The following LRRTM4 variants were observed in gnomAD, a reference collection of about 807,000 sequenced individuals.
LRRTM4 encodes the protein leucine-rich repeat transmembrane neuronal protein 4.
A neutral mutation model predicts 47.6 loss-of-function variants in LRRTM4; 25 were observed. That is an observed-to-expected ratio of 0.53 (90% CI 0.38 to 0.73). The LOEUF (loss-of-function observed/expected upper bound fraction) is 0.73. Ranked by LOEUF, LRRTM4 falls within the 30% of genes least tolerant of loss-of-function variation. The probability of loss-of-function intolerance (pLI) is 0.00; values close to 1 mark genes in which losing one functional copy is unlikely to be tolerated. For synonymous variants in LRRTM4, 311 were observed against 269.5 expected, an observed-to-expected ratio of 1.15 and a Z score of -1.51; for missense variants, 638 against 713.4, an observed-to-expected ratio of 0.89 and a Z score of 1.20.
chr2:77,028,645 G>A lies in LRRTM4; in HGVS notation c.1552-279729C>T, dbSNP rs543697702. Among the ~76,000 whole-genome samples the A allele has an allele frequency of 1.1e-3, 164 of 152,186 alleles. 1 individual carries two copies. Among genetic ancestry groups the A allele is most frequent in the African/African-American group, 3.7e-3 (153 of 41,538 alleles). ...AAGATGGAACAAAAATGATTCTGAT[G>A]TTGACAAAAAGAAGGCAGACAGAAA... On this transcript the variant is annotated intron_variant, in intron 3 of 3. Coordinates refer to ENST00000409884, the MANE Select transcript of LRRTM4 (RefSeq NM_001134745.3).
chr2:76,826,204 C>T (rs1329926615), intron 3 of LRRTM4, among the ~76,000 whole-genome samples: 1 of 151,552 alleles, frequency 6.6e-6, no homozygotes, highest in Non-Finnish European at 1.5e-5. Flanking sequence ...TATATCAGAT[C>T]ATTATCAAAT....
intron 3 of LRRTM4, among the ~76,000 whole-genome samples, chr2:77,182,115 T>A (rs946332065): frequency 1.3e-5 from 2 of 152,130 alleles, no homozygotes; most frequent in East Asian, 3.9e-4. Flanking sequence ...TAAAGATACA[T>A]GCACACATAT....
chr2:77,228,620 C>G (rs1480756052), intron 3 of LRRTM4, among the ~76,000 whole-genome samples: 2 of 152,174 alleles, frequency 1.3e-5, no homozygotes, highest in Non-Finnish European at 2.9e-5. Context: ...TTCCAGCCCA[C>G]AGATCACTCC....
chr2:76,999,424 A>G (rs893242178), intron 3 of LRRTM4, among the ~76,000 whole-genome samples: 1 of 149,742 alleles, frequency 6.7e-6, no homozygotes, highest in Non-Finnish European at 1.5e-5. Context: ...TAAATCCAGG[A>G]AGGAAAACAC....
chr2:76,829,892 T>C (rs768357494), intron 3 of LRRTM4, among the ~76,000 whole-genome samples: 1 of 152,028 alleles, frequency 6.6e-6, no homozygotes, highest in African/African-American at 2.4e-5. Flanking sequence ...CTCGAAATAA[T>C]AGAATTATGG....
intron 3 of LRRTM4, among the ~76,000 whole-genome samples, chr2:77,476,168 A>G (rs2104002778): frequency 6.6e-6 from 1 of 152,222 alleles, no homozygotes; most frequent in Middle Eastern, 3.4e-3. Context: ...GATGTGAAAG[A>G]TTCATAAACC....
chr2:76,894,195 T>C (rs1673338896), intron 3 of LRRTM4, among the ~76,000 whole-genome samples: 1 of 152,000 alleles, frequency 6.6e-6, no homozygotes, highest in South Asian at 2.1e-4. Context: ...TAAAATGCAG[T>C]AGTTTCCCTC....
chr2:77,209,483 A>G (rs547860971), intron 3 of LRRTM4, among the ~76,000 whole-genome samples: 68 of 152,286 alleles, frequency 4.5e-4, no homozygotes, highest in Non-Finnish European at 9.3e-4. Context: ...CAAAAGCACA[A>G]AAATTGCAAT....
At chr2:76,772,062 A>G (rs1490026531) in intron 3 of LRRTM4, among the ~76,000 whole-genome samples, 2 of 152,192 alleles carry the variant, frequency 1.3e-5, no homozygotes, top group Admixed American at 6.5e-5. Context: ...CTAAATTTCT[A>G]TGTTGAGATC....
intron 3 of LRRTM4, among the ~76,000 whole-genome samples, chr2:77,209,941 A>G (rs1049317315): frequency 6.6e-6 from 1 of 151,974 alleles, no homozygotes; most frequent in African/African-American, 2.4e-5. Context: ...TAACTCTTTG[A>G]CTCCTGGGTT....
At chr2:77,167,587 T>TATATATATATATA (rs1474939291) in intron 3 of LRRTM4, among the ~76,000 whole-genome samples, 1 of 152,148 alleles carries the variant, frequency 6.6e-6, no homozygotes, top group Non-Finnish European at 1.5e-5. Flanking sequence ...ATTAAGAAAA[T>TATATATATATATA]GTGGCATATA....
chr2:76,927,799 C>T (rs566288949), intron 3 of LRRTM4, among the ~76,000 whole-genome samples: 4 of 152,032 alleles, frequency 2.6e-5, no homozygotes, highest in African/African-American at 4.8e-5. Context: ...TGAAGGTCTC[C>T]GTCTAAGGCT....
chr2:76,784,324 A>T (rs1674559271), intron 3 of LRRTM4, among the ~76,000 whole-genome samples: 1 of 152,098 alleles, frequency 6.6e-6, no homozygotes, highest in South Asian at 2.1e-4. Flanking sequence ...AGCATGCTTA[A>T]TATCATGAGA....
chr2:77,477,912 AAAGAAAG>A (rs1439419973), intron 3 of LRRTM4, among the ~76,000 whole-genome samples: 1 of 29,714 alleles, frequency 3.4e-5, no homozygotes, highest in African/African-American at 1.3e-4. Flanking sequence ...AAAAAGAAAG[AAAGAAAG>A]AAAGAAAGAA....
intron 3 of LRRTM4, among the ~76,000 whole-genome samples, chr2:77,457,456 G>A (rs1676606403): frequency 6.6e-6 from 1 of 151,744 alleles, no homozygotes; most frequent in Non-Finnish European, 1.5e-5. Context: ...TCTCAGATGG[G>A]CTACAAGAGA....
At chr2:77,257,309 C>CAA (rs527480065) in intron 3 of LRRTM4, among the ~76,000 whole-genome samples, 13 of 144,626 alleles carry the variant, frequency 9.0e-5, no homozygotes, top group African/African-American at 2.5e-4. Flanking sequence ...AAATCATCTA[C>CAA]AAAAAAAAAA....
chr2:76,897,478 A>G (rs1047386315), intron 3 of LRRTM4, among the ~76,000 whole-genome samples: 1 of 152,162 alleles, frequency 6.6e-6, no homozygotes, highest in Non-Finnish European at 1.5e-5. Flanking sequence ...TATGTGCTAT[A>G]TAAGTGTATA....
chr2:77,147,420 C>G (rs1485235450), intron 3 of LRRTM4, among the ~76,000 whole-genome samples: 1 of 152,136 alleles, frequency 6.6e-6, no homozygotes, highest in Non-Finnish European at 1.5e-5. Flanking sequence ...ATTAATGGCA[C>G]AGTGTTTCTC....
chr2:77,029,069 A>G (rs888582395), intron 3 of LRRTM4, among the ~76,000 whole-genome samples: 3 of 146,260 alleles, frequency 2.1e-5, no homozygotes, highest in Non-Finnish European at 4.5e-5. Flanking sequence ...ATATATATAT[A>G]TAATATATAT....
Sources: allele counts gnomAD v4.1 joint callset (sites outside exome capture counted in the v4.1 genomes callset), GRCh38; gene constraint gnomAD v4.1.1; transcripts MANE v1.5; gene names NCBI Gene and HGNC (gene_info 2026-07-23, HGNC 2026-07-21).